CPQ: variants seen among roughly 807,000 people sequenced by gnomAD.
The protein encoded by CPQ is Ser-Met dipeptidase.
CPQ carries 37 observed loss-of-function variants against 45.7 expected under a neutral mutation model. The ratio of observed to expected loss-of-function variants is 0.81; its 90% CI spans 0.62 to 1.07. CPQ has a LOEUF of 1.07. Ranked by LOEUF, CPQ falls within the 50% of genes least tolerant of loss-of-function variation. The pLI is 0.00. For synonymous variants in CPQ, 186 were observed against 205.8 expected (o/e 0.90, Z 0.82); for missense variants, 537 against 572.9 (o/e 0.94, Z 0.64).
In CPQ at chr8:96,979,909, G is replaced by A. The variant is rs143657592; in HGVS notation, c.961+13863G>A. 2.7e-3 allele frequency among the ~76,000 whole-genome samples: 417 copies of A among 152,228 alleles called. 2 individuals carry two copies. The highest frequency in any genetic ancestry group is 9.4e-3 in the African/African-American group (392 of 41,552). On this transcript the variant is annotated intron_variant, in intron 5 of 7. Transcript: ENST00000220763. ...GAGCTGATGCTTGGCCCATGTGCTT[G>A]CCTGACACTAGCATTTTCAGACTAC...
chr8:97,048,546 A>G (rs763734580), intron 6 of CPQ, among the ~76,000 whole-genome samples: 13 of 152,196 alleles, frequency 8.5e-5, no homozygotes, highest in Non-Finnish European at 1.3e-4. Flanking sequence ...AACCTTTAAC[A>G]TGTTCTTTTC....
chr8:96,979,420 C>A (rs1813849001), intron 5 of CPQ, among the ~76,000 whole-genome samples: 1 of 152,156 alleles, frequency 6.6e-6, no homozygotes, highest in Admixed American at 6.6e-5. Flanking sequence ...ATTTTATTTG[C>A]TGTGGTGGAT....
At position 96,926,622 on chromosome 8, in the gene CPQ, T is replaced by TCTTCTTCTTCTTCTTCTTCTTCTC. The variant is rs1554578116; in HGVS notation, c.850-39311_850-39310insTCTTCTTCTTCTTCTTCTTCTCCT. ...TTCTTCTTCTTCTTCTTCTTCTTCT[T>TCTTCTTCTTCTTCTTCTTCTTCTC]CTCCTCCTTCTCCTTCTTCTTCTTC... is the stretch of plus-strand genomic sequence containing the variant. On this transcript the variant is annotated intron_variant, in intron 4 of 7. Transcript: ENST00000220763. 7.3e-5 allele frequency among the ~76,000 whole-genome samples: 9 copies of TCTTCTTCTTCTTCTTCTTCTTCTC among 123,774 alleles called. No individual in the cohort carries two copies. In the East Asian group the frequency reaches 9.3e-4, roughly 13 times the overall value. The allele number at this position is 123,774 out of a possible 152,430, so 81.2% of individuals were successfully genotyped here.
chr8:96,936,615 A>G (rs1813054026), intron 4 of CPQ, among the ~76,000 whole-genome samples: 4 of 152,212 alleles, frequency 2.6e-5, no homozygotes. Context: ...GCCTGTCAAC[A>G]ATTAGTGGAA....
intron 6 of CPQ, among the ~76,000 whole-genome samples, chr8:97,049,994 T>G (rs1377343163): frequency 6.6e-6 from 1 of 152,156 alleles, no homozygotes; most frequent in African/African-American, 2.4e-5. Flanking sequence ...TACACTTAAT[T>G]TTTAATTTTA....
intron 4 of CPQ, among the ~76,000 whole-genome samples, chr8:96,935,441 G>T (rs890041943): frequency 3.9e-5 from 6 of 152,150 alleles, no homozygotes; most frequent in African/African-American, 1.2e-4. Flanking sequence ...CAAGACTCAA[G>T]GTCAGTCTCA....
At chr8:97,032,702 C>T (rs1034826994) in intron 6 of CPQ, among the ~76,000 whole-genome samples, 1 of 152,202 alleles carries the variant, frequency 6.6e-6, no homozygotes, top group African/African-American at 2.4e-5. Context: ...CCTAAAAGTA[C>T]TCATCTTCAC....
At chr8:96,974,177 G>GA (rs1300344674) in intron 5 of CPQ, among the ~76,000 whole-genome samples, 1 of 152,084 alleles carries the variant, frequency 6.6e-6, no homozygotes, top group Non-Finnish European at 1.5e-5. Flanking sequence ...GGTGGAAAAA[G>GA]ATACTCCATG....
intron 1 of CPQ, among the ~76,000 whole-genome samples, chr8:96,747,676 C>T (rs1345565331): frequency 6.6e-6 from 1 of 152,156 alleles, no homozygotes; most frequent in Non-Finnish European, 1.5e-5. Context: ...ACTTTCCTGG[C>T]CTCAGCTCTC....
At chr8:96,672,833 T>C (rs904229610) in intron 1 of CPQ, among the ~76,000 whole-genome samples, 7 of 152,118 alleles carry the variant, frequency 4.6e-5, no homozygotes, top group Non-Finnish European at 8.8e-5. Flanking sequence ...GAATGTTGTT[T>C]CTTTAAAATT....
intron 1 of CPQ, among the ~76,000 whole-genome samples, chr8:96,666,291 A>G (rs143432451): frequency 2.0e-5 from 3 of 152,328 alleles, no homozygotes; most frequent in African/African-American, 7.2e-5. Flanking sequence ...AGGCATGCTT[A>G]CAGGGGTGTT....
At chr8:97,068,029 C>CG (rs911958316) in intron 7 of CPQ, among the ~76,000 whole-genome samples, 1 of 152,034 alleles carries the variant, frequency 6.6e-6, no homozygotes, top group African/African-American at 2.4e-5. Flanking sequence ...AGAGTGCAGA[C>CG]GGGGGGTGGT....
intron 6 of CPQ, among the ~76,000 whole-genome samples, chr8:97,046,267 C>CTT (rs756564661): frequency 2.1e-5 from 3 of 145,738 alleles, no homozygotes; most frequent in South Asian, 2.2e-4. Context: ...ACTTCTATTC[C>CTT]TTTTTTTTTT....
At chr8:96,649,256 C>T (rs538744552) in intron 1 of CPQ, among the ~76,000 whole-genome samples, 2 of 152,210 alleles carry the variant, frequency 1.3e-5, no homozygotes, top group African/African-American at 2.4e-5. Flanking sequence ...GGATTACAGG[C>T]ATGAGCCACT....
chr8:96,721,972 T>C (rs1391077148), intron 1 of CPQ, among the ~76,000 whole-genome samples: 2 of 152,236 alleles, frequency 1.3e-5, no homozygotes, highest in Admixed American at 6.5e-5. Flanking sequence ...ATTTAACTTC[T>C]TCTGGTAGTC....
chr8:96,777,745 TATATATATATATATA>T (rs754629944), intron 1 of CPQ, among the ~76,000 whole-genome samples: 289 of 13,446 alleles, frequency 0.021, 4 homozygotes, highest in African/African-American at 0.032. Context: ...TATATATATA[TATATATATATATATA>T]TTTTTTTTTT....
At chr8:96,995,732 C>T (rs1442033904) in intron 5 of CPQ, among the ~76,000 whole-genome samples, 2 of 150,670 alleles carry the variant, frequency 1.3e-5, no homozygotes, top group East Asian at 3.9e-4. Context: ...CACAGGTAAA[C>T]TTGTGTCATG....
At chr8:96,717,065 ATATATATATATAC>A (rs1809689440) in intron 1 of CPQ, among the ~76,000 whole-genome samples, 1 of 108,904 alleles carries the variant, frequency 9.2e-6, no homozygotes, top group Admixed American at 9.1e-5. Flanking sequence ...ATATATATAT[ATATATATATATAC>A]GTATATATAC....
chr8:96,829,751 A>T (rs1370444986), intron 2 of CPQ, among the ~76,000 whole-genome samples: 4 of 152,080 alleles, frequency 2.6e-5, no homozygotes, highest in Admixed American at 2.0e-4. Context: ...TCTCTCATGA[A>T]ATTGTACTTT....
Sources: gnomAD v4.1 joint callset for allele counts (sites outside exome capture counted in the v4.1 genomes callset) on GRCh38, gnomAD v4.1.1 for gene constraint, MANE v1.5 for transcripts, NCBI Gene and HGNC (gene_info 2026-07-23, HGNC 2026-07-21) for gene names.